The following CTNNA3 variants were observed in gnomAD, a reference collection of about 807,000 sequenced individuals.
CTNNA3 encodes the protein catenin alpha-3.
In CTNNA3, 76 loss-of-function variants were observed where a neutral mutation model predicts 95.7. The ratio of observed to expected loss-of-function variants is 0.79; its 90% CI spans 0.66 to 0.96. CTNNA3 has a LOEUF of 0.96. Ranked by LOEUF, CTNNA3 falls within the 40% of genes least tolerant of loss-of-function variation. The pLI is 0.00. For missense variants in CTNNA3, 1,191 were observed against 1,089.8 expected (o/e 1.09, Z -1.31); for synonymous variants, 431 against 374.4 (o/e 1.15, Z -1.74).
chr10:66,622,806 T>C (rs1844797781), intron 9 of CTNNA3, among the ~76,000 whole-genome samples: 1 of 152,190 alleles, frequency 6.6e-6, no homozygotes, highest in Non-Finnish European at 1.5e-5. Context: ...ATAAACAACA[T>C]ATGACTTTGG....
intron 9 of CTNNA3, among the ~76,000 whole-genome samples, chr10:66,743,394 T>C (rs574926251): frequency 6.6e-6 from 1 of 152,156 alleles, no homozygotes; most frequent in African/African-American, 2.4e-5. Flanking sequence ...TACCTAGATA[T>C]AGACATTTAC....
intron 10 of CTNNA3, among the ~76,000 whole-genome samples, chr10:66,579,404 C>T (rs10437371): frequency 0.035 from 5,292 of 151,752 alleles, 315 homozygotes; most frequent in African/African-American, 0.12. Flanking sequence ...TGCAAACTGA[C>T]GTGTGACTTT....
intron 5 of CTNNA3, among the ~76,000 whole-genome samples, chr10:67,473,810 G>C (rs1847915164): frequency 6.6e-6 from 1 of 152,144 alleles, no homozygotes; most frequent in Non-Finnish European, 1.5e-5. Context: ...ATCTAGAGAT[G>C]ATTTAAGCTC....
At chr10:67,403,164 GC>G (rs919203125) in intron 5 of CTNNA3, among the ~76,000 whole-genome samples, 1 of 152,204 alleles carries the variant, frequency 6.6e-6, no homozygotes, top group Non-Finnish European at 1.5e-5. Flanking sequence ...GCACAGCACA[GC>G]ACAGCTGCTC....
intron 13 of CTNNA3, among the ~76,000 whole-genome samples, chr10:66,121,794 C>T (rs907268050): frequency 6.6e-6 from 1 of 152,214 alleles, no homozygotes; most frequent in East Asian, 1.9e-4. Flanking sequence ...TAAGACCACA[C>T]CACTGCACTC....
At chr10:67,382,145 T>C (rs1843973016) in intron 5 of CTNNA3, among the ~76,000 whole-genome samples, 3 of 152,090 alleles carry the variant, frequency 2.0e-5, no homozygotes, top group Non-Finnish European at 4.4e-5. Context: ...GAAATGGAGG[T>C]TTCTGTCAGC....
At chr10:66,801,045 T>C (rs138348321) in intron 7 of CTNNA3, among the ~76,000 whole-genome samples, 2 of 151,542 alleles carry the variant, frequency 1.3e-5, no homozygotes, top group Non-Finnish European at 3.0e-5. Flanking sequence ...GAAGTCATAC[T>C]AATCTTATGC....
At chr10:66,205,200 C>T (rs2131931122) in intron 13 of CTNNA3, among the ~76,000 whole-genome samples, 1 of 152,048 alleles carries the variant, frequency 6.6e-6, no homozygotes, top group Non-Finnish European at 1.5e-5. Flanking sequence ...TTCTATAGTA[C>T]AGTAAGTCCT....
chr10:67,184,826 T>G (rs576168551), intron 6 of CTNNA3, among the ~76,000 whole-genome samples: 2 of 152,338 alleles, frequency 1.3e-5, no homozygotes, highest in Admixed American at 1.3e-4. Context: ...TTCATTTTTA[T>G]CAGAATTCAC....
chr10:66,137,676 G>C (rs936684606), intron 13 of CTNNA3, among the ~76,000 whole-genome samples: 6 of 152,054 alleles, frequency 3.9e-5, no homozygotes, highest in Admixed American at 3.9e-4. Flanking sequence ...GACTGGGTTT[G>C]GTGCCTCATG....
chr10:66,198,010 AG>A (rs1305019545), intron 13 of CTNNA3, among the ~76,000 whole-genome samples: 2 of 152,206 alleles, frequency 1.3e-5, no homozygotes, highest in African/African-American at 2.4e-5. Flanking sequence ...GGAGAAAAAT[AG>A]GGTTGAAAAT....
chr10:67,459,691 T>A (rs967223572), intron 5 of CTNNA3, among the ~76,000 whole-genome samples: 1 of 152,174 alleles, frequency 6.6e-6, no homozygotes, highest in South Asian at 2.1e-4. Flanking sequence ...AATGTCTTCA[T>A]CACTTTTTAA....
intron 9 of CTNNA3, among the ~76,000 whole-genome samples, chr10:66,750,666 T>C (rs79224214): frequency 0.011 from 1,735 of 152,334 alleles, 30 homozygotes; most frequent in African/African-American, 0.038. Context: ...AATGTTGTAC[T>C]TCTCTTTCAA....
intron 7 of CTNNA3, among the ~76,000 whole-genome samples, chr10:66,818,731 G>T (rs73318505): frequency 0.57 from 86,932 of 151,398 alleles, 25,085 homozygotes; most frequent in Admixed American, 0.62. Flanking sequence ...TGTTTTGTGG[G>T]TTTTTTTCAG....
At chr10:66,186,933 G>A (rs2086376096) in intron 13 of CTNNA3, among the ~76,000 whole-genome samples, 1 of 152,112 alleles carries the variant, frequency 6.6e-6, no homozygotes, top group African/African-American at 2.4e-5. Flanking sequence ...CTGAATCTTG[G>A]TAAAACATGA....
chr10:66,901,297 A>C (rs1845734401), intron 7 of CTNNA3, among the ~76,000 whole-genome samples: 1 of 152,214 alleles, frequency 6.6e-6, no homozygotes, highest in Admixed American at 6.5e-5. Flanking sequence ...GTGAAGGGGA[A>C]ATAAAATCGT....
intron 7 of CTNNA3, among the ~76,000 whole-genome samples, chr10:66,797,590 C>T (rs995283813): frequency 6.6e-6 from 1 of 151,824 alleles, no homozygotes; most frequent in East Asian, 1.9e-4. Flanking sequence ...ATTATGACTT[C>T]GAATTTGGTG....
intron 5 of CTNNA3, among the ~76,000 whole-genome samples, chr10:67,424,957 T>C (rs1341346209): frequency 6.6e-6 from 1 of 152,118 alleles, no homozygotes; most frequent in Non-Finnish European, 1.5e-5. Flanking sequence ...CAGTCCCTAA[T>C]ACTATTTTTA....
chr10:66,667,489 C>T (rs578012001), intron 9 of CTNNA3, among the ~76,000 whole-genome samples: 17 of 152,048 alleles, frequency 1.1e-4, no homozygotes, highest in Admixed American at 9.2e-4. Context: ...ATTTCTTCAT[C>T]GAGGTATTAA....
Sources: gnomAD v4.1 joint callset for allele counts (sites outside exome capture counted in the v4.1 genomes callset) on GRCh38, gnomAD v4.1.1 for gene constraint, MANE v1.5 for transcripts, NCBI Gene and HGNC (gene_info 2026-07-23, HGNC 2026-07-21) for gene names.